Variants in TNN observed in about 807,000 individuals in gnomAD.
TNN encodes the protein tenascin-N.
Under a neutral mutation model 134.4 loss-of-function variants are expected in TNN, and 122 were observed. The observed-to-expected ratio is 0.91, with a 90% CI of 0.78 to 1.06. TNN has a LOEUF of 1.06. Ranked by LOEUF, TNN falls within the 50% of genes least tolerant of loss-of-function variation. The pLI is 0.00. For synonymous variants in TNN, 710 were observed against 670.3 expected (o/e 1.06, Z -0.91); for missense variants, 1,739 against 1,699.4 (o/e 1.02, Z -0.41).
At chr1:175,073,830 C>T (rs1673974183) in intron 1 of TNN, among the ~76,000 whole-genome samples, 1 of 152,166 alleles carries the variant, frequency 6.6e-6, no homozygotes, top group Non-Finnish European at 1.5e-5. Context: ...TCTGTGGGAT[C>T]TTTAGATATT....
At chr1:175,143,755 G>A (rs1251952069) in intron 17 of TNN, among the ~76,000 whole-genome samples, 1 of 152,158 alleles carries the variant, frequency 6.6e-6, no homozygotes, top group Non-Finnish European at 1.5e-5. Flanking sequence ...GCATGGAAGA[G>A]GAATTCACCT....
chr1:175,097,515 G>A lies in TNN; in HGVS notation c.1687G>A (p.Val563Met). 2 of 1,614,212 alleles carry A rather than the reference G, an allele frequency of 1.2e-6. No individual in the cohort carries two copies. Among genetic ancestry groups the A allele is most frequent in the Middle Eastern group, 1.6e-4 (1 of 6,062 alleles). Residue 563 changes from valine (V) to methionine (M), a missense_variant, in exon 8 of 19, where the codon GTG (valine) becomes ATG (methionine). Transcript: ENST00000239462. Reference protein sequence around the residue: ...PVQATIDKYVVRYTSADDQET... With the variant: ...PVQATIDKYVMRYTSADDQET... The stretch of plus-strand genomic sequence containing the variant: ...ACAGGCCACCATTGACAAGTACGTG[G>A]TGCGCTACACCTCTGCTGACGACCA...
At chr1:175,128,839 C>T (rs930125697) in intron 15 of TNN, 93 bp downstream of exon 15, 3 of 1,313,626 alleles carry the variant, frequency 2.3e-6, no homozygotes, top group Non-Finnish European at 3.0e-6. Flanking sequence ...TGTTTGGAGC[C>T]CTATTTCTTC....
At chr1:175,130,850 A>T (rs1574174718) in intron 15 of TNN, among the ~76,000 whole-genome samples, 1 of 152,226 alleles carries the variant, frequency 6.6e-6, no homozygotes, top group East Asian at 1.9e-4. Context: ...TTCCAAAAAT[A>T]ATAAAACCAC....
intron 10 of TNN, 95 bp from the exon 11 acceptor site, chr1:175,118,466 A>G: frequency 2.8e-6 from 4 of 1,449,782 alleles, no homozygotes; most frequent in Non-Finnish European, 3.8e-6. Flanking sequence ...AACCCCACAC[A>G]ACATGAAAGG....
Position 175,083,944 on chromosome 1 carries a change from CAT to C in TNN, c.1234+10_1234+11del. 1 of 1,613,134 alleles carries C rather than the reference CAT, an allele frequency of 6.2e-7. No homozygotes were observed. The highest frequency in any genetic ancestry group is 8.5e-7 in the Non-Finnish European group (1 of 1,179,574). ...CCGATATGACATCACTGGTAAGAGC[CAT>C]CACTGGAATGTGAGATGTATGCTGT... On this transcript the variant is annotated intron_variant, in intron 5 of 18. Transcript: ENST00000239462.
intron 9 of TNN, among the ~76,000 whole-genome samples, chr1:175,116,060 T>A (rs147075548): frequency 1.3e-5 from 2 of 152,276 alleles, no homozygotes; most frequent in Admixed American, 1.3e-4. Flanking sequence ...TTTTTTTAAA[T>A]GTCGTTGTTT....
chr1:175,140,991 A>G (rs964935553), intron 17 of TNN, among the ~76,000 whole-genome samples: 1 of 152,142 alleles, frequency 6.6e-6, no homozygotes, highest in Non-Finnish European at 1.5e-5. Flanking sequence ...CCCAGCCTCT[A>G]TCTTCATTTT....
rs1244063009 is a variant in TNN at position 175,123,678 on chromosome 1, C to T, written c.2914+15C>T. The T allele has an allele frequency of 6.2e-7, 1 of 1,613,698 alleles. No homozygotes were observed. Among genetic ancestry groups the T allele is most frequent in the Non-Finnish European group, 8.5e-7 (1 of 1,179,850 alleles). On this transcript the variant is annotated intron_variant, in intron 12 of 18. Coordinates refer to ENST00000239462, the MANE Select transcript of TNN (RefSeq NM_022093.2). The stretch of plus-strand genomic sequence containing the variant: ...GGCCCAGACAGGTACTGAGAGGGAC[C>T]AGGCCAGGGGAACACCTCACACTTA...
intron 17 of TNN, 113 bp from the exon 18 acceptor site, chr1:175,144,274 C>A: frequency 1.0e-6 from 1 of 979,174 alleles, no homozygotes; most frequent in Non-Finnish European, 1.5e-6. Flanking sequence ...TGTGACATGA[C>A]TGGCTGCATC....
At chr1:175,080,042 A>C in intron 3 of TNN, 121 bp from the exon 4 acceptor site, 66 of 1,293,674 alleles carry the variant, frequency 5.1e-5, no homozygotes, top group Middle Eastern at 5.6e-4. Context: ...GGGGTCGGGA[A>C]TGGCGCCTTA....
intron 1 of TNN, among the ~76,000 whole-genome samples, chr1:175,075,405 C>G (rs1157427302): frequency 6.6e-6 from 1 of 152,146 alleles, no homozygotes; most frequent in Non-Finnish European, 1.5e-5. Flanking sequence ...TCCAGCAGTT[C>G]TCTATCTCAG....
At position 175,074,272 on chromosome 1, in the gene TNN, C is replaced by T. The variant is rs551077991; in HGVS notation, c.-35-3112C>T. Among the ~76,000 whole-genome samples the T allele has an allele frequency of 4.6e-5, 7 of 152,136 alleles. 1 individual carries two copies. The highest frequency in any genetic ancestry group is 1.2e-4 in the African/African-American group (5 of 41,500). The stretch of plus-strand genomic sequence containing the variant: ...CTGAGGTGGACAGGCTGCTTGAACC[C>T]AGGAATTCGAGACCAGGTTGGGCAA... On this transcript the variant is annotated intron_variant, in intron 1 of 18. Coordinates refer to ENST00000239462, the MANE Select transcript of TNN (RefSeq NM_022093.2).
chr1:175,138,720 T>G (rs937890090), intron 17 of TNN, among the ~76,000 whole-genome samples: 1 of 152,240 alleles, frequency 6.6e-6, no homozygotes, highest in Non-Finnish European at 1.5e-5. Flanking sequence ...CTACATGTAC[T>G]TGAAGTATAA....
chr1:175,126,948 C>T lies in TNN; in HGVS notation c.2915-7C>T, dbSNP rs370245447. The stretch of plus-strand genomic sequence containing the variant: ...GTAATAACAATTACCTGACTTTCTA[C>T]GTACAGAACTCGACCCTCCCAGAAA... On this transcript the variant is annotated splice_region_variant and splice_polypyrimidine_tract_variant and intron_variant, in intron 12 of 18. Coordinates refer to ENST00000239462, the MANE Select transcript of TNN (RefSeq NM_022093.2). 4.7e-5 allele frequency: 75 copies of T among 1,600,884 alleles called. No individual in the cohort carries two copies. Among genetic ancestry groups the T allele is most frequent in the East Asian group, 1.6e-4 (7 of 44,810 alleles).
intron 12 of TNN, among the ~76,000 whole-genome samples, chr1:175,124,586 C>G (rs1558368750): frequency 1.3e-5 from 2 of 152,158 alleles, no homozygotes; most frequent in African/African-American, 4.8e-5. Flanking sequence ...GAGGCTGAGA[C>G]AGGAGAATTG....
chr1:175,078,899 A>G (rs535712614), intron 2 of TNN, among the ~76,000 whole-genome samples: 1 of 151,828 alleles, frequency 6.6e-6, no homozygotes, highest in South Asian at 2.1e-4. Flanking sequence ...GCAAACTCCA[A>G]CCTCCCTGGA....
At chr1:175,115,077 A>C (rs980994152) in intron 9 of TNN, among the ~76,000 whole-genome samples, 2 of 152,076 alleles carry the variant, frequency 1.3e-5, no homozygotes, top group African/African-American at 4.8e-5. Context: ...GGGAAGAATA[A>C]TACTAGAGTT....
intron 18 of TNN, 21 bp from the exon 19 acceptor site, chr1:175,146,909 GC>G: frequency 1.8e-6 from 2 of 1,094,728 alleles, no homozygotes; most frequent in South Asian, 3.1e-5. Flanking sequence ...TCTTGATGTG[GC>G]TTTTTTTTTT....
Sources: allele counts gnomAD v4.1 joint callset (sites outside exome capture counted in the v4.1 genomes callset), GRCh38; gene constraint gnomAD v4.1.1; transcripts MANE v1.5; gene names NCBI Gene and HGNC (gene_info 2026-07-23, HGNC 2026-07-21).